ITK: variants seen among roughly 807,000 people sequenced by gnomAD.
The protein encoded by ITK is IL2 inducible T cell kinase, also known as tyrosine-protein kinase ITK/TSK.
ITK carries 45 observed loss-of-function variants against 87.6 expected under a neutral mutation model. The ratio of observed to expected loss-of-function variants is 0.51; its 90% CI spans 0.40 to 0.66. The LOEUF (loss-of-function observed/expected upper bound fraction) is 0.66, where lower values mean the gene tolerates loss of function less well. Ranked by LOEUF, ITK falls within the 30% of genes least tolerant of loss-of-function variation. The probability of loss-of-function intolerance (pLI) is 0.00; values close to 1 mark genes in which losing one functional copy is unlikely to be tolerated. For missense variants in ITK, 605 were observed against 766.3 expected, an observed-to-expected ratio of 0.79 and a Z score of 2.48; for synonymous variants, 303 against 273.6, an observed-to-expected ratio of 1.11 and a Z score of -1.06.
chr5:157,252,759 T>C lies in ITK; in HGVS notation c.*81T>C, dbSNP rs1755168672. The C allele has an allele frequency of 8.7e-7, 1 of 1,143,942 alleles. No individual in the cohort carries two copies. The highest frequency in any genetic ancestry group is 1.5e-5 in the African/African-American group (1 of 65,900). 70.9% of individuals were successfully genotyped at this position (1,143,942 alleles called of 1,614,324 possible). On this transcript the variant is annotated 3_prime_UTR_variant, in exon 17 of 17. Transcript: ENST00000422843. Reference sequence around the variant, plus strand: ...CCTCATTCCATAGAGCATTAGAAGCTGCCACCAGCCCAGGACCCTCCAGAG... The same window carrying C: ...CCTCATTCCATAGAGCATTAGAAGCCGCCACCAGCCCAGGACCCTCCAGAG...
chr5:157,243,461 A>C (rs1057061161), intron 11 of ITK, among the ~76,000 whole-genome samples, 162 bp from the exon 12 acceptor site: 2 of 152,154 alleles, frequency 1.3e-5, no homozygotes, highest in Non-Finnish European at 2.9e-5. Flanking sequence ...GTTTTCTAGC[A>C]TATCCTATGT....
intron 2 of ITK, 69 bp from the exon 3 acceptor site, chr5:157,211,218 G>A: frequency 7.6e-7 from 1 of 1,315,494 alleles, no homozygotes; most frequent in Non-Finnish European, 1.1e-6. Flanking sequence ...TCTCGGCTCA[G>A]TAGGTCTGCT....
intron 1 of ITK, chr5:157,195,155 T>C (rs163427): frequency 0.55 from 84,043 of 152,020 alleles, 24,083 homozygotes; most frequent in African/African-American, 0.71. Flanking sequence ...CAGAGCACAG[T>C]GAGCAAATGA....
chr5:157,233,961 ATATTTTTTTTTTTTTT>A (rs1754722739), intron 8 of ITK, among the ~76,000 whole-genome samples: 1 of 28,924 alleles, frequency 3.5e-5, no homozygotes, highest in African/African-American at 1.4e-4. Flanking sequence ...ATATATATAT[ATATTTTTTTTTTTTTT>A]TTTTTTTTTT....
At chr5:157,243,955 CT>C (rs1754967412) in intron 12 of ITK, 161 bp downstream of exon 12, 1 of 743,128 alleles carries the variant, frequency 1.3e-6, no homozygotes, top group African/African-American at 1.7e-5. Context: ...TCACAGTGGT[CT>C]CCAAGGCCCA....
In ITK at chr5:157,254,040, T is replaced by C. The variant is rs958407437; in HGVS notation, c.*1362T>C. The C allele has an allele frequency of 4.4e-6, 1 of 226,214 alleles. No homozygotes were observed. The highest frequency in any genetic ancestry group is 2.2e-5 in the African/African-American group (1 of 44,964). The allele number at this position is 226,214 out of a possible 1,614,324, so 14.0% of individuals were successfully genotyped here. On this transcript the variant is annotated 3_prime_UTR_variant, in exon 17 of 17. Transcript: ENST00000422843. ...TGCCCAAAGTGATGGAACTAGAAAG[T>C]CTAGAGCTGGTATTCTAGCCCAAAT...
chr5:157,233,335 A>G (rs1754697424), intron 8 of ITK, among the ~76,000 whole-genome samples: 1 of 152,244 alleles, frequency 6.6e-6, no homozygotes, highest in East Asian at 1.9e-4. Flanking sequence ...CAGAAAAAAG[A>G]GCAAGGGAAT....
intron 8 of ITK, among the ~76,000 whole-genome samples, chr5:157,233,273 C>T (rs1754695904): frequency 6.6e-6 from 1 of 152,230 alleles, no homozygotes; most frequent in Admixed American, 6.5e-5. Context: ...GTGACCAACA[C>T]AGCTGATCTC....
intron 1 of ITK, among the ~76,000 whole-genome samples, chr5:157,204,172 G>C (rs1754032826): frequency 6.6e-6 from 1 of 152,076 alleles, no homozygotes; most frequent in Non-Finnish European, 1.5e-5. Context: ...CATGAGGCTT[G>C]GCTAATTTAT....
At position 157,253,117 on chromosome 5, in the gene ITK, A is replaced by G. The variant is rs1755176355; in HGVS notation, c.*439A>G. 1 of 314,344 alleles carries G rather than the reference A, an allele frequency of 3.2e-6. No individual in the cohort carries two copies. The highest frequency in any genetic ancestry group is 2.1e-5 in the African/African-American group (1 of 48,718). 19.5% of individuals were successfully genotyped at this position (314,344 alleles called of 1,614,324 possible). On this transcript the variant is annotated 3_prime_UTR_variant, in exon 17 of 17. Coordinates refer to ENST00000422843, the MANE Select transcript of ITK (RefSeq NM_005546.4). ...ACCCAACAACACAGTATCCCAGGATATGGAGGCAAGGGGAACAAAGAGCAT... is the reference window on the plus strand; with the variant it reads ...ACCCAACAACACAGTATCCCAGGATGTGGAGGCAAGGGGAACAAAGAGCAT...
chr5:157,223,111 C>T (rs1754457866), intron 6 of ITK, 97 bp downstream of exon 6: 2 of 1,415,772 alleles, frequency 1.4e-6, no homozygotes, highest in Non-Finnish European at 2.0e-6. Context: ...AGTGTAACCA[C>T]AGCACTGAGG....
At chr5:157,201,191 T>G (rs1358034618) in intron 1 of ITK, among the ~76,000 whole-genome samples, 1 of 152,056 alleles carries the variant, frequency 6.6e-6, no homozygotes, top group Non-Finnish European at 1.5e-5. Flanking sequence ...GAAAAAAAAT[T>G]TTGAGTCTTG....
In ITK at chr5:157,223,071, A is replaced by G. The variant is rs930150769; in HGVS notation, c.647+57A>G. ...TTTGAGGTGTGGTGCGAACAAATAA[A>G]ATACCAGGATGATTTGTCCTATCTC... On this transcript the variant is annotated intron_variant, in intron 6 of 16. Transcript: ENST00000422843. The G allele has an allele frequency of 8.2e-6, 13 of 1,594,268 alleles. No individual in the cohort carries two copies. In the African/African-American group the frequency reaches 1.7e-4, roughly 21 times the overall value.
chr5:157,211,260 C>T lies in ITK; in HGVS notation c.244-27C>T, dbSNP rs745687684. ...CAACTATCTCCATGCACGCTGCTCA[C>T]CTTGAACTCTGTGTGTGTGTCTCCA... On this transcript the variant is annotated intron_variant, in intron 2 of 16. Coordinates refer to ENST00000422843, the MANE Select transcript of ITK (RefSeq NM_005546.4). 5.0e-6 allele frequency: 8 copies of T among 1,598,702 alleles called. No individual in the cohort carries two copies. In the African/African-American group the frequency reaches 9.4e-5, roughly 19 times the overall value.
At chr5:157,184,564 G>C (rs1753604842) in intron 1 of ITK, among the ~76,000 whole-genome samples, 1 of 152,180 alleles carries the variant, frequency 6.6e-6, no homozygotes, top group South Asian at 2.1e-4. Flanking sequence ...GATGGAAGAG[G>C]CAGCCTAAAT....
intron 5 of ITK, among the ~76,000 whole-genome samples, chr5:157,222,446 G>C (rs1007483834): frequency 6.6e-6 from 1 of 152,190 alleles, no homozygotes; most frequent in Non-Finnish European, 1.5e-5. Context: ...TGATCTGTTA[G>C]AGGAATTCCA....
At position 157,249,834 on chromosome 5, in the gene ITK, A is replaced by T. The variant is rs186502763; in HGVS notation, c.1791+827A>T. Among the ~76,000 whole-genome samples the T allele has an allele frequency of 1.1e-3, 162 of 152,364 alleles. 2 individuals carry two copies. The highest frequency in any genetic ancestry group is 3.4e-3 in the Middle Eastern group (1 of 294). On this transcript the variant is annotated intron_variant, in intron 16 of 16. Transcript: ENST00000422843. ...ATAGAGACATAAAGGAGGGCATAAA[A>T]CAAATCTTATCCACTTCATAAGGAT...
intron 1 of ITK, among the ~76,000 whole-genome samples, chr5:157,202,434 G>A (rs1048788105): frequency 2.6e-5 from 4 of 151,956 alleles, no homozygotes; most frequent in Middle Eastern, 3.2e-3. Flanking sequence ...GGCTAGTCTC[G>A]AACTCCTGGC....
chr5:157,213,552 CT>C (rs143962660), intron 3 of ITK: 67 of 434,894 alleles, frequency 1.5e-4, no homozygotes, highest in Admixed American at 3.8e-4. Context: ...TAACTTTTTT[CT>C]TTTTTTTTGG....
Sources: allele counts gnomAD v4.1 joint callset (sites outside exome capture counted in the v4.1 genomes callset), GRCh38; gene constraint gnomAD v4.1.1; transcripts MANE v1.5; gene names NCBI Gene and HGNC (gene_info 2026-07-23, HGNC 2026-07-21).